SEPTIN10: variants seen among roughly 807,000 people sequenced by gnomAD.
SEPTIN10 encodes the protein septin-10.
Under a neutral mutation model 54.8 loss-of-function variants are expected in SEPTIN10, and 66 were observed. That is an observed-to-expected ratio of 1.21 (90% confidence interval 0.99 to 1.48). SEPTIN10 has a LOEUF of 1.48. SEPTIN10 is among the 40% of genes most tolerant of loss of function. The pLI, the probability that SEPTIN10 is intolerant of heterozygous loss-of-function variation, is 0.00. For synonymous variants in SEPTIN10, 161 were observed against 181.0 expected (o/e 0.89, Z 0.89); for missense variants, 620 against 545.6 (o/e 1.14, Z -1.36).
rs1680606555 is a variant in SEPTIN10, at chr2:109,544,284, C to T, written c.*25G>A. On this transcript the variant is annotated 3_prime_UTR_variant, in exon 11 of 11. Coordinates refer to ENST00000397712, the MANE Select transcript of SEPTIN10 (RefSeq NM_144710.5). The stretch of plus-strand genomic sequence containing the variant: ...TAATAAAGTTTGCTTGTGATGATGA[C>T]CTTCTGTGCTCTGGAACTTCTGTTT... 1.2e-6 allele frequency: 2 copies of T among 1,611,060 alleles called. No individual in the cohort carries two copies. The highest frequency in any genetic ancestry group is 1.7e-6 in the Non-Finnish European group (2 of 1,179,308).
rs556119552 is a variant in SEPTIN10 at position 109,559,012 on chromosome 2, C to T, written c.1028+5354G>A. Among the ~76,000 whole-genome samples, 170 of 152,056 alleles carry T rather than the reference C, an allele frequency of 1.1e-3. 1 individual carries two copies. The highest frequency in any genetic ancestry group is 3.8e-3 in the African/African-American group (158 of 41,486). On this transcript the variant is annotated intron_variant, in intron 8 of 10. Coordinates refer to ENST00000397712, the MANE Select transcript of SEPTIN10 (RefSeq NM_144710.5). Reference sequence around the variant, plus strand: ...GCAATTCTCCTGCCTCAGCCTCCCACATAGCTGGGCTTATAGGTGTCCGCC... The same window carrying T: ...GCAATTCTCCTGCCTCAGCCTCCCATATAGCTGGGCTTATAGGTGTCCGCC...
chr2:109,587,219 T>C (rs1392070931), intron 2 of SEPTIN10, among the ~76,000 whole-genome samples: 1 of 152,178 alleles, frequency 6.6e-6, no homozygotes, highest in Non-Finnish European at 1.5e-5. Context: ...ACAGAATTTC[T>C]AGAATGTAAA....
chr2:109,545,897 A>C, intron 10 of SEPTIN10, 153 bp downstream of exon 10: 1 of 1,446,276 alleles, frequency 6.9e-7, no homozygotes, highest in Non-Finnish European at 9.2e-7. Flanking sequence ...AGTGAACAAG[A>C]GGGACAAGGT....
rs1694463370 is a variant in SEPTIN10, at chr2:109,593,108, A to G, written c.42T>C (p.Ser14=). ...TACAAGTTGTTTTCGTTGCCATGTG[A>G]GACTGAAAGAGCTAAAAAAGGAATA... ...SEVARHLLFQ[S]HMATKTTCMS... The change falls in exon 2 of 11, where the codon TCT becomes TCC. Residue 14 remains serine (S), a synonymous_variant. Coordinates refer to ENST00000397712, the MANE Select transcript of SEPTIN10 (RefSeq NM_144710.5). 7.5e-6 allele frequency: 12 copies of G among 1,597,636 alleles called. No homozygotes were observed. Among genetic ancestry groups the G allele is most frequent in the African/African-American group, 1.3e-5 (1 of 74,398 alleles).
At chr2:109,599,501 G>T (rs1201027405) in intron 1 of SEPTIN10, among the ~76,000 whole-genome samples, 2 of 151,262 alleles carry the variant, frequency 1.3e-5, no homozygotes, top group African/African-American at 4.9e-5. Flanking sequence ...ATTACCAAGA[G>T]TGAGCAAGAT....
intron 1 of SEPTIN10, chr2:109,605,441 C>T (rs995018255): frequency 6.6e-6 from 1 of 152,026 alleles, no homozygotes; most frequent in Admixed American, 6.6e-5. Flanking sequence ...CTGCACTCTA[C>T]TCTGAGCGAC....
intron 1 of SEPTIN10, among the ~76,000 whole-genome samples, chr2:109,606,770 C>A (rs891241426): frequency 6.9e-6 from 1 of 144,380 alleles, no homozygotes; most frequent in South Asian, 2.2e-4. Context: ...ACCTCCGTCT[C>A]GCAGGTTCAA....
intron 1 of SEPTIN10, among the ~76,000 whole-genome samples, chr2:109,605,128 A>C (rs1185681203): frequency 6.6e-6 from 1 of 152,158 alleles, no homozygotes; most frequent in Non-Finnish European, 1.5e-5. Flanking sequence ...TGATTCCTTG[A>C]GACTTGAATT....
intron 9 of SEPTIN10, among the ~76,000 whole-genome samples, chr2:109,552,127 T>C (rs1683113062): frequency 6.6e-6 from 1 of 152,176 alleles, no homozygotes; most frequent in South Asian, 2.1e-4. Context: ...GGGATCTTGG[T>C]TGTGCGCTCC....
intron 1 of SEPTIN10, chr2:109,613,260 TTC>T: frequency 9.3e-7 from 1 of 1,076,556 alleles, no homozygotes; most frequent in Non-Finnish European, 1.2e-6. Flanking sequence ...AACAAACGCG[TTC>T]TTTTAGAGTA....
chr2:109,571,588 A>G lies in SEPTIN10; in HGVS notation c.600+2993T>C, dbSNP rs188749468. On this transcript the variant is annotated intron_variant, in intron 5 of 10. Transcript: ENST00000397712. The stretch of plus-strand genomic sequence containing the variant: ...AAACATATAATACAGTACAGTAAAA[A>G]TAAGGTATAATCTTATGGGACCACC... Among the ~76,000 whole-genome samples, 11 of 152,390 alleles carry G rather than the reference A, an allele frequency of 7.2e-5. No individual in the cohort carries two copies. The East Asian group carries it at 1.7e-3, about 24-fold the overall frequency.
At chr2:109,546,345 T>G in intron 9 of SEPTIN10, 108 bp from the exon 10 acceptor site, 1 of 585,306 alleles carries the variant, frequency 1.7e-6, no homozygotes. Flanking sequence ...CAGAATAACC[T>G]ACACAGTCAA....
chr2:109,586,221 A>G (rs1194534672), intron 2 of SEPTIN10, among the ~76,000 whole-genome samples: 1 of 152,254 alleles, frequency 6.6e-6, no homozygotes. Flanking sequence ...AGCACAAAAC[A>G]AAAGTACAGA....
chr2:109,596,640 A>T (rs539802246), intron 1 of SEPTIN10, among the ~76,000 whole-genome samples: 1 of 152,128 alleles, frequency 6.6e-6, no homozygotes, highest in East Asian at 1.9e-4. Context: ...AAAAGAAAAA[A>T]ATTAGAGGCT....
Position 109,593,063 on chromosome 2 carries a change from A to T in SEPTIN10, c.87T>A (p.Asp29Glu). The change falls in exon 2 of 11, where the codon GAT becomes GAA. Residue 29 changes from aspartate to glutamate, a missense_variant. Asp to Glu is a conservative substitution (Grantham distance 45, BLOSUM62 2). Transcript: ENST00000397712. Reference protein sequence around the residue: ...KTTCMSSQGSDDEQIKRENIR... With the variant: ...KTTCMSSQGSEDEQIKRENIR... ...AAGACATACTCACTATCTGTTCATCATCTGATCCTTGTGAAGACATACAAG... is the reference window on the plus strand; with the variant it reads ...AAGACATACTCACTATCTGTTCATCTTCTGATCCTTGTGAAGACATACAAG... 6.3e-7 allele frequency: 1 copy of T among 1,597,530 alleles called. No individual in the cohort carries two copies. The highest frequency in any genetic ancestry group is 8.5e-7 in the Non-Finnish European group (1 of 1,172,946).
intron 8 of SEPTIN10, 66 bp downstream of exon 8, chr2:109,564,300 A>C: frequency 7.3e-7 from 1 of 1,362,280 alleles, no homozygotes; most frequent in Non-Finnish European, 9.7e-7. Context: ...ATCATCCTGG[A>C]TATATAAAAA....
chr2:109,578,299 G>T lies in SEPTIN10; in HGVS notation c.414-3532C>A, dbSNP rs532773747. Among the ~76,000 whole-genome samples the T allele has an allele frequency of 1.6e-4, 25 of 152,214 alleles. No individual in the cohort carries two copies. In the East Asian group the frequency reaches 4.8e-3, roughly 29 times the overall value. On this transcript the variant is annotated intron_variant, in intron 4 of 10. Transcript: ENST00000397712. The stretch of plus-strand genomic sequence containing the variant: ...ATGCTCAATAAGAAACATGTCTAAA[G>T]CACAAGGGCACAGAAAGGTTGAAAG...
At chr2:109,574,931 C>T (rs1689328352) in intron 4 of SEPTIN10, among the ~76,000 whole-genome samples, 164 bp from the exon 5 acceptor site, 1 of 152,160 alleles carries the variant, frequency 6.6e-6, no homozygotes, top group Non-Finnish European at 1.5e-5. Context: ...AGAACATGCG[C>T]AAAAGCTATA....
rs181716186 is a variant in SEPTIN10, at chr2:109,613,859, T to C, written c.-32A>G. 10 of 1,233,294 alleles carry C rather than the reference T, an allele frequency of 8.1e-6. No homozygotes were observed. In the Middle Eastern group the frequency reaches 9.3e-4, roughly 115 times the overall value. 76.4% of individuals were successfully genotyped at this position (1,233,294 alleles called of 1,614,324 possible). ...GGGCAGGGGCACGGTGAAGCGGCTGTATCAGCCCGGCCCCGAGCGGCTGGT... is the reference window on the plus strand; with the variant it reads ...GGGCAGGGGCACGGTGAAGCGGCTGCATCAGCCCGGCCCCGAGCGGCTGGT... On this transcript the variant is annotated 5_prime_UTR_variant, in exon 1 of 11. It adds an upstream start codon to the 5' untranslated region. Coordinates refer to ENST00000397712, the MANE Select transcript of SEPTIN10 (RefSeq NM_144710.5).
Sources: allele counts gnomAD v4.1 joint callset (sites outside exome capture counted in the v4.1 genomes callset), GRCh38; gene constraint gnomAD v4.1.1; transcripts MANE v1.5; gene names NCBI Gene and HGNC (gene_info 2026-07-23, HGNC 2026-07-21).